RAB38: variants seen among roughly 807,000 people sequenced by gnomAD.
The protein encoded by RAB38 is ras-related protein Rab-38.
A neutral mutation model predicts 18.4 loss-of-function variants in RAB38; 15 were observed. The observed-to-expected ratio is 0.82, with a 90% CI of 0.55 to 1.26. RAB38 has a LOEUF of 1.26. Among genes scored for constraint, RAB38 ranks in the 50% most tolerant of loss-of-function variants. RAB38 has a pLI of 0.00. For synonymous variants in RAB38, 101 were observed against 104.4 expected (o/e 0.97, Z 0.20); for missense variants, 294 against 267.4 (o/e 1.10, Z -0.69).
chr11:87,842,381 A>G, the RAB38 span, among the ~76,000 whole-genome samples: 3 of 152,168 alleles, frequency 2.0e-5, no homozygotes, highest in African/African-American at 7.2e-5. Context: ...TCAGGAGACA[A>G]GTTGAAATTC....
the RAB38 span, among the ~76,000 whole-genome samples, chr11:87,952,468 A>G: frequency 5.3e-5 from 8 of 152,034 alleles, no homozygotes; most frequent in Non-Finnish European, 1.2e-4. Flanking sequence ...TTCTCCTCTT[A>G]ACTTCCTCCC....
the RAB38 span, among the ~76,000 whole-genome samples, chr11:88,009,461 G>A: frequency 6.6e-6 from 1 of 152,172 alleles, no homozygotes; most frequent in Non-Finnish European, 1.5e-5. Flanking sequence ...GGATTCTGGG[G>A]AGAAGTTTCA....
At chr11:87,965,441 G>A in the RAB38 span, among the ~76,000 whole-genome samples, 84 of 152,078 alleles carry the variant, frequency 5.5e-4, no homozygotes, top group Non-Finnish European at 9.4e-4. Flanking sequence ...CTTCGATGAC[G>A]ACTGAATTTG....
chr11:88,077,028 G>GAAAAGAAAAGA, the RAB38 span, among the ~76,000 whole-genome samples: 321 of 93,886 alleles, frequency 3.4e-3, 4 homozygotes, highest in South Asian at 0.016. Context: ...GAAAAGAAAA[G>GAAAAGAAAAGA]AAAGAAAGCA....
At chr11:87,963,144 G>GT in the RAB38 span, among the ~76,000 whole-genome samples, 17 of 152,078 alleles carry the variant, frequency 1.1e-4, no homozygotes, top group African/African-American at 2.9e-4. Context: ...TATAAAAACT[G>GT]TAACAGTATA....
intron 2 of RAB38, among the ~76,000 whole-genome samples, chr11:88,125,448 C>T (rs1340510261): frequency 6.6e-6 from 1 of 152,116 alleles, no homozygotes; most frequent in East Asian, 1.9e-4. Flanking sequence ...TTGACATTCT[C>T]CTTTGAATTT....
At chr11:87,848,851 T>G in the RAB38 span, among the ~76,000 whole-genome samples, 7 of 151,678 alleles carry the variant, frequency 4.6e-5, no homozygotes, top group African/African-American at 1.7e-4. Flanking sequence ...GTTATTAATT[T>G]ATTGCATTAT....
chr11:88,135,152 T>C (rs1942818775), intron 2 of RAB38, among the ~76,000 whole-genome samples: 2 of 152,188 alleles, frequency 1.3e-5, no homozygotes, highest in South Asian at 4.1e-4. Flanking sequence ...CCGGTCACCC[T>C]GTCTAAAACT....
chr11:87,904,187 G>T, the RAB38 span, among the ~76,000 whole-genome samples: 120 of 151,570 alleles, frequency 7.9e-4, 1 homozygote, highest in African/African-American at 2.8e-3. Flanking sequence ...GGTATAATTG[G>T]TCTCATCACC....
chr11:87,952,788 A>G, the RAB38 span, among the ~76,000 whole-genome samples: 1 of 152,178 alleles, frequency 6.6e-6, no homozygotes, highest in Non-Finnish European at 1.5e-5. Flanking sequence ...TTTGTCTTTT[A>G]CATGTTTGTC....
chr11:87,958,168 A>AC, the RAB38 span, among the ~76,000 whole-genome samples: 5 of 152,120 alleles, frequency 3.3e-5, no homozygotes, highest in Non-Finnish European at 7.4e-5. Flanking sequence ...TTACAAGGGC[A>AC]AACAACCAGC....
the RAB38 span, among the ~76,000 whole-genome samples, chr11:87,940,884 G>A: frequency 2.6e-5 from 4 of 151,884 alleles, no homozygotes; most frequent in Middle Eastern, 6.9e-3. Context: ...CTCCCTCCTC[G>A]GCCTCCCAAA....
At chr11:88,129,773 C>T (rs761869441) in intron 2 of RAB38, among the ~76,000 whole-genome samples, 5 of 152,120 alleles carry the variant, frequency 3.3e-5, no homozygotes, top group Non-Finnish European at 5.9e-5. Flanking sequence ...CAGATACACA[C>T]ATATTTCTTA....
chr11:87,942,080 C>T, the RAB38 span, among the ~76,000 whole-genome samples: 1 of 152,304 alleles, frequency 6.6e-6, no homozygotes, highest in Non-Finnish European at 1.5e-5. Context: ...TTACTGGCTG[C>T]AACCATATTT....
chr11:88,023,156 T>TA, the RAB38 span, among the ~76,000 whole-genome samples: 4 of 151,344 alleles, frequency 2.6e-5, no homozygotes, highest in South Asian at 2.1e-4. Context: ...ACATAAAAGT[T>TA]AAAAAAAATG....
At chr11:88,010,499 A>G in the RAB38 span, among the ~76,000 whole-genome samples, 25,697 of 152,108 alleles carry the variant, frequency 0.17, 2,338 homozygotes, top group Middle Eastern at 0.29. Context: ...CTGTATTGAT[A>G]TGAATTCTAT....
the RAB38 span, among the ~76,000 whole-genome samples, chr11:88,027,200 GT>G: frequency 1.1e-4 from 17 of 151,206 alleles, no homozygotes; most frequent in African/African-American, 3.6e-4. Context: ...TTTTGTCAAA[GT>G]TTTTTTTTGC....
the RAB38 span, among the ~76,000 whole-genome samples, chr11:87,912,412 G>A: frequency 1.3e-5 from 2 of 151,836 alleles, no homozygotes; most frequent in Non-Finnish European, 2.9e-5. Flanking sequence ...ATTTCTTTTT[G>A]CATGAGCTTT....
At chr11:87,901,438 AGTAAGT>A in the RAB38 span, among the ~76,000 whole-genome samples, 5 of 151,770 alleles carry the variant, frequency 3.3e-5, no homozygotes, top group South Asian at 1.0e-3. Flanking sequence ...CATTCCATAA[AGTAAGT>A]GTAATATTTT....
Sources: gnomAD v4.1 joint callset for allele counts (sites outside exome capture counted in the v4.1 genomes callset) on GRCh38, gnomAD v4.1.1 for gene constraint, MANE v1.5 for transcripts, NCBI Gene and HGNC (gene_info 2026-07-23, HGNC 2026-07-21) for gene names.